LRFN5: variants seen among roughly 807,000 people sequenced by gnomAD.
LRFN5 encodes leucine-rich repeat and fibronectin type-III domain-containing protein 5.
A neutral mutation model predicts 45.6 loss-of-function variants in LRFN5; 24 were observed. That is an observed-to-expected ratio of 0.53 (90% CI 0.38 to 0.74). The LOEUF (loss-of-function observed/expected upper bound fraction) is 0.74, where lower values mean the gene tolerates loss of function less well. LRFN5 is among the 30% of genes least tolerant of loss of function. The probability of loss-of-function intolerance (pLI) is 0.00; values close to 1 mark genes in which losing one functional copy is unlikely to be tolerated. For synonymous variants in LRFN5, 340 were observed against 313.8 expected, an observed-to-expected ratio of 1.08 and a Z score of -0.88; for missense variants, 776 against 861.5, an observed-to-expected ratio of 0.90 and a Z score of 1.24.
chr14:41,759,079 CACATG>C (rs761004616), intron 1 of LRFN5, among the ~76,000 whole-genome samples: 22 of 152,056 alleles, frequency 1.4e-4, no homozygotes, highest in Non-Finnish European at 2.6e-4. Context: ...CGTGGTACAT[CACATG>C]ATGTACCATT....
intron 1 of LRFN5, among the ~76,000 whole-genome samples, chr14:41,761,838 A>G (rs1885683038): frequency 6.6e-6 from 1 of 152,054 alleles, no homozygotes; most frequent in African/African-American, 2.4e-5. Context: ...TGTGCAAGTA[A>G]AAGTACTTTG....
At chr14:41,889,454 G>T (rs1205101553) in intron 3 of LRFN5, among the ~76,000 whole-genome samples, 1 of 151,912 alleles carries the variant, frequency 6.6e-6, no homozygotes. Context: ...TGTCATACCA[G>T]GCTCTTCACA....
chr14:41,720,995 C>G (rs564609516), intron 1 of LRFN5, among the ~76,000 whole-genome samples: 1 of 152,046 alleles, frequency 6.6e-6, no homozygotes, highest in Non-Finnish European at 1.5e-5. Flanking sequence ...AATTCTCCTA[C>G]TATCATTCTG....
chr14:41,748,622 T>C (rs569070200), intron 1 of LRFN5, among the ~76,000 whole-genome samples: 30 of 152,172 alleles, frequency 2.0e-4, no homozygotes, highest in Non-Finnish European at 1.9e-4. Flanking sequence ...TACTACTAAA[T>C]TGTGCACTAA....
chr14:41,645,016 T>C (rs897499455), intron 1 of LRFN5, among the ~76,000 whole-genome samples: 1 of 152,206 alleles, frequency 6.6e-6, no homozygotes, highest in African/African-American at 2.4e-5. Context: ...TTGAGAGCTT[T>C]TGGTATGGAT....
chr14:41,858,224 G>A (rs748180795), intron 2 of LRFN5, among the ~76,000 whole-genome samples: 2 of 152,078 alleles, frequency 1.3e-5, no homozygotes, highest in Non-Finnish European at 2.9e-5. Flanking sequence ...CAGCGTCCAT[G>A]CTCACTAACC....
At chr14:41,898,879 A>T in intron 4 of LRFN5, 38 bp from the exon 5 acceptor site, 2 of 1,583,092 alleles carry the variant, frequency 1.3e-6, no homozygotes. Flanking sequence ...TCTTTTAAAA[A>T]AATGAATTGT....
chr14:41,895,696 T>C (rs993573227), intron 4 of LRFN5, among the ~76,000 whole-genome samples: 1 of 151,614 alleles, frequency 6.6e-6, no homozygotes, highest in African/African-American at 2.4e-5. Context: ...CTGTGGCCAA[T>C]TTATTTCCCC....
At chr14:41,822,614 A>G (rs1888150443) in intron 2 of LRFN5, among the ~76,000 whole-genome samples, 2 of 151,972 alleles carry the variant, frequency 1.3e-5, no homozygotes, top group Non-Finnish European at 1.5e-5. Flanking sequence ...AGAAAAATGT[A>G]TATTCTGTTG....
chr14:41,710,388 T>C (rs966749237), intron 1 of LRFN5, among the ~76,000 whole-genome samples: 1 of 152,140 alleles, frequency 6.6e-6, no homozygotes, highest in East Asian at 1.9e-4. Context: ...ATTTAACATA[T>C]TTTTCTTAAT....
intron 2 of LRFN5, among the ~76,000 whole-genome samples, chr14:41,783,646 T>A (rs1408989559): frequency 2.0e-5 from 3 of 152,138 alleles, no homozygotes; most frequent in Non-Finnish European, 4.4e-5. Context: ...CTTGTCTGTT[T>A]AGATATTCTT....
At chr14:41,723,022 G>A (rs1883790539) in intron 1 of LRFN5, among the ~76,000 whole-genome samples, 2 of 152,204 alleles carry the variant, frequency 1.3e-5, no homozygotes, top group Admixed American at 1.3e-4. Flanking sequence ...CAAGCTCTCT[G>A]CATAGTAGGT....
chr14:41,808,105 G>A (rs1887583674), intron 2 of LRFN5, among the ~76,000 whole-genome samples: 1 of 149,970 alleles, frequency 6.7e-6, no homozygotes, highest in Admixed American at 6.7e-5. Flanking sequence ...AGGATGTTAA[G>A]ACAATGCCTG....
chr14:41,679,803 G>C (rs540591090), intron 1 of LRFN5, among the ~76,000 whole-genome samples: 3 of 152,154 alleles, frequency 2.0e-5, no homozygotes, highest in Non-Finnish European at 4.4e-5. Context: ...GAATCAAGCA[G>C]GCACTTGGAG....
rs117918338 is a variant in LRFN5 at position 41,777,021 on chromosome 14, A to G, written c.-21+9992A>G. Among the ~76,000 whole-genome samples the G allele has an allele frequency of 4.0e-3, 609 of 152,054 alleles. 6 individuals carry two copies. Among genetic ancestry groups the G allele is most frequent in the Non-Finnish European group, 5.0e-3 (340 of 67,846 alleles). ...ATACAGTTTTCATATATGAATGGAT[A>G]TATCTTGATTTTTCTATTTATTTTA... On this transcript the variant is annotated intron_variant, in intron 2 of 5. Transcript: ENST00000298119.
intron 1 of LRFN5, among the ~76,000 whole-genome samples, chr14:41,619,167 A>C (rs931704267): frequency 2.0e-5 from 3 of 152,028 alleles, no homozygotes; most frequent in Non-Finnish European, 2.9e-5. Context: ...TTATCTTCTA[A>C]TTATATTTTG....
intron 1 of LRFN5, among the ~76,000 whole-genome samples, chr14:41,713,974 G>A (rs973293019): frequency 2.0e-5 from 3 of 152,082 alleles, no homozygotes; most frequent in African/African-American, 7.2e-5. Context: ...CACTGTCAGA[G>A]CAATTAATAT....
At chr14:41,896,530 C>A (rs1171015957) in intron 4 of LRFN5, among the ~76,000 whole-genome samples, 1 of 151,908 alleles carries the variant, frequency 6.6e-6, no homozygotes, top group East Asian at 1.9e-4. Flanking sequence ...AACACTGTAC[C>A]TTACAATGTT....
chr14:41,816,369 T>C (rs1420571457), intron 2 of LRFN5, among the ~76,000 whole-genome samples: 1 of 152,070 alleles, frequency 6.6e-6, no homozygotes, highest in African/African-American at 2.4e-5. Context: ...TTATCTTCTG[T>C]TTTATTTCCT....
Sources: gnomAD v4.1 joint callset for allele counts (sites outside exome capture counted in the v4.1 genomes callset) on GRCh38, gnomAD v4.1.1 for gene constraint, MANE v1.5 for transcripts, NCBI Gene and HGNC (gene_info 2026-07-23, HGNC 2026-07-21) for gene names.